YEATS2: variants seen among roughly 807,000 people sequenced by gnomAD.
The protein encoded by YEATS2 is YEATS domain-containing protein 2.
YEATS2 carries 77 observed loss-of-function variants against 163.2 expected under a neutral mutation model. The observed-to-expected ratio is 0.47, with a 90% CI of 0.39 to 0.57. YEATS2 has a LOEUF of 0.57. Ranked by LOEUF, YEATS2 falls within the 20% of genes least tolerant of loss-of-function variation. The pLI is 0.00. For missense variants in YEATS2, 1,549 were observed against 1,729.8 expected (o/e 0.90, Z 1.85); for synonymous variants, 631 against 645.1 (o/e 0.98, Z 0.33).
chr3:183,772,444 G>A lies in YEATS2; in HGVS notation c.2087G>A (p.Gly696Glu). ...GGGCCAAAGCAAGTTGTAACCCAAGGAGTTGCCAAAGCAATTGTGAGTGGA... is the reference window on the plus strand; with the variant it reads ...GGGCCAAAGCAAGTTGTAACCCAAGAAGTTGCCAAAGCAATTGTGAGTGGA... Reference protein sequence around the residue: ...AVGPKQVVTQGVAKAIVSGGG... With the variant: ...AVGPKQVVTQEVAKAIVSGGG... Residue 696 changes from glycine to glutamate, a missense_variant, in exon 16 of 31, where the codon GGA becomes GAA. Transcript: ENST00000305135. 1.2e-6 allele frequency: 2 copies of A among 1,614,200 alleles called. No homozygotes were observed. Among genetic ancestry groups the A allele is most frequent in the Non-Finnish European group, 1.7e-6 (2 of 1,180,046 alleles).
At chr3:183,707,464 A>G (rs909073408) in intron 1 of YEATS2, among the ~76,000 whole-genome samples, 8 of 152,182 alleles carry the variant, frequency 5.3e-5, no homozygotes, top group Non-Finnish European at 1.0e-4. Context: ...ACATTTTTGA[A>G]ATGTCATTGG....
intron 21 of YEATS2, chr3:183,793,202 A>G: frequency 7.9e-7 from 1 of 1,272,368 alleles, no homozygotes; most frequent in Non-Finnish European, 1.0e-6. Context: ...ACGCATGCAG[A>G]CAACACCCCT....
At chr3:183,786,688 C>G (rs1724100767) in intron 20 of YEATS2, among the ~76,000 whole-genome samples, 1 of 152,180 alleles carries the variant, frequency 6.6e-6, no homozygotes, top group Non-Finnish European at 1.5e-5. Context: ...TTTGGGTCTG[C>G]TTCTGATGCT....
At chr3:183,782,398 C>A (rs567228059) in intron 19 of YEATS2, among the ~76,000 whole-genome samples, 2 of 151,704 alleles carry the variant, frequency 1.3e-5, no homozygotes, top group Admixed American at 6.6e-5. Flanking sequence ...CATGAGCCAC[C>A]GCGCCTGGCC....
At chr3:183,788,070 T>C (rs1231330809) in intron 20 of YEATS2, among the ~76,000 whole-genome samples, 1 of 152,220 alleles carries the variant, frequency 6.6e-6, no homozygotes, top group Admixed American at 6.5e-5. Flanking sequence ...GTACATGTGA[T>C]GTTTTGATGC....
intron 26 of YEATS2, 127 bp from the exon 27 acceptor site, chr3:183,803,860 G>C (rs1194295083): frequency 6.1e-6 from 6 of 978,586 alleles, no homozygotes; most frequent in Non-Finnish European, 7.4e-6. Context: ...ACACAACCAG[G>C]TTTTTTTCTT....
intron 3 of YEATS2, 87 bp from the exon 4 acceptor site, chr3:183,718,413 C>T (rs1716132499): frequency 4.5e-6 from 4 of 883,024 alleles, no homozygotes; most frequent in Middle Eastern, 2.9e-4. Context: ...TTTTTTCACT[C>T]ATTCACGTTT....
At chr3:183,802,447 C>T (rs924948606) in intron 25 of YEATS2, 2 of 148,072 alleles carry the variant, frequency 1.4e-5, no homozygotes, top group African/African-American at 5.1e-5. Context: ...AGTTTCCCAG[C>T]CTAACATAAG....
chr3:183,714,875 A>G (rs1715668657), intron 1 of YEATS2, among the ~76,000 whole-genome samples: 1 of 151,770 alleles, frequency 6.6e-6, no homozygotes, highest in Non-Finnish European at 1.5e-5. Context: ...TTTCTCTTGA[A>G]AGGGAAACCC....
At chr3:183,807,220 T>A (rs534168539) in intron 28 of YEATS2, 128 bp downstream of exon 28, 12 of 839,304 alleles carry the variant, frequency 1.4e-5, no homozygotes, top group South Asian at 1.4e-4. Flanking sequence ...CAGACTCTTC[T>A]GGTGCCGTAG....
chr3:183,736,748 C>T lies in YEATS2; in HGVS notation c.843C>T (p.Gly281=). 1 of 1,613,898 alleles carries T rather than the reference C, an allele frequency of 6.2e-7. No homozygotes were observed. Among genetic ancestry groups the T allele is most frequent in the South Asian group, 1.1e-5 (1 of 91,050 alleles). Residue 281 remains glycine, a synonymous_variant, in exon 8 of 31, where the codon GGC becomes GGT. Transcript: ENST00000305135. ...REPPFHLTRR[G]WGEFPVRVQV... Reference sequence around the variant, plus strand: ...CTCCTTTTCACCTGACCAGAAGAGGCTGGGGTGAGTTTCCCGTCAGAGTTC... The same window carrying T: ...CTCCTTTTCACCTGACCAGAAGAGGTTGGGGTGAGTTTCCCGTCAGAGTTC...
At chr3:183,736,905 C>A (rs74691514) in intron 8 of YEATS2, 76 bp downstream of exon 8, 1 of 1,277,362 alleles carries the variant, frequency 7.8e-7, no homozygotes, top group Non-Finnish European at 1.1e-6. Context: ...AATAGCATGG[C>A]GGTTAAGGAC....
chr3:183,795,455 AT>A (rs573338439), intron 21 of YEATS2, among the ~76,000 whole-genome samples: 108 of 79,928 alleles, frequency 1.4e-3, no homozygotes, highest in African/African-American at 2.0e-3. Flanking sequence ...CACGGGACTA[AT>A]TTTTTTTTTT....
intron 2 of YEATS2, among the ~76,000 whole-genome samples, chr3:183,715,491 T>C (rs1269327976): frequency 6.6e-6 from 1 of 151,948 alleles, no homozygotes; most frequent in Non-Finnish European, 1.5e-5. Flanking sequence ...CGAGACAAAC[T>C]GTGAGTTTTA....
chr3:183,711,977 G>A (rs1715272449), intron 1 of YEATS2, among the ~76,000 whole-genome samples: 1 of 151,256 alleles, frequency 6.6e-6, no homozygotes. Flanking sequence ...ACATGACCAC[G>A]TCTGGCTAAT....
Position 183,728,601 on chromosome 3 carries a change from C to G in YEATS2, c.651-89C>G, listed in dbSNP as rs557826514. On this transcript the variant is annotated intron_variant, in intron 6 of 30. Transcript: ENST00000305135. ...TGTTAAATATTGCAGGAATTTTAAC[C>G]TTGTTTTTAAGTTTAAGTAGGACTT... 75 of 1,253,984 alleles carry G rather than the reference C, an allele frequency of 6.0e-5. No homozygotes were observed. In the Admixed American group the frequency reaches 8.4e-4, roughly 14 times the overall value. The allele number at this position is 1,253,984 out of a possible 1,614,324, so 77.7% of individuals were successfully genotyped here.
rs548275634 is a variant in YEATS2 at position 183,705,765 on chromosome 3, C to G, written c.-20+7772C>G. On this transcript the variant is annotated intron_variant, in intron 1 of 30. Coordinates refer to ENST00000305135, the MANE Select transcript of YEATS2 (RefSeq NM_018023.5). Reference sequence around the variant, plus strand: ...AGTTAATCCTTCATTTATGGCTGGGCGCAGTGGCTCACGCCTCTAATCCCA... The same window carrying G: ...AGTTAATCCTTCATTTATGGCTGGGGGCAGTGGCTCACGCCTCTAATCCCA... Among the ~76,000 whole-genome samples the G allele has an allele frequency of 8.5e-3, 1,290 of 152,216 alleles. 14 individuals carry two copies. The highest frequency in any genetic ancestry group is 0.017 in the Middle Eastern group (5 of 294).
chr3:183,781,667 A>G (rs1723574503), intron 19 of YEATS2, among the ~76,000 whole-genome samples: 1 of 152,212 alleles, frequency 6.6e-6, no homozygotes, highest in African/African-American at 2.4e-5. Flanking sequence ...CCACATCCTT[A>G]AAGATATAAT....
intron 8 of YEATS2, among the ~76,000 whole-genome samples, chr3:183,745,632 ATACTC>A (rs556129539): frequency 1.9e-4 from 29 of 152,306 alleles, no homozygotes; most frequent in African/African-American, 6.7e-4. Flanking sequence ...TAAATATTAA[ATACTC>A]TAAATATTAG....
Sources: gnomAD v4.1 joint callset for allele counts (sites outside exome capture counted in the v4.1 genomes callset) on GRCh38, gnomAD v4.1.1 for gene constraint, MANE v1.5 for transcripts, NCBI Gene and HGNC (gene_info 2026-07-23, HGNC 2026-07-21) for gene names.